The following TUSC3 variants were observed in gnomAD, a reference collection of about 807,000 sequenced individuals.
TUSC3 encodes the protein tumor suppressor candidate 3.
Under a neutral mutation model 44.8 loss-of-function variants are expected in TUSC3, and 45 were observed. The ratio of observed to expected loss-of-function variants is 1.00; its 90% CI spans 0.79 to 1.29. The LOEUF (loss-of-function observed/expected upper bound fraction) is 1.29. Ranked by LOEUF, TUSC3 falls within the 50% of genes most tolerant of loss-of-function variation. TUSC3 has a pLI of 0.00. For missense variants in TUSC3, 519 were observed against 437.9 expected (o/e 1.19, Z -1.65); for synonymous variants, 212 against 152.9 (o/e 1.39, Z -2.85).
At chr8:15,736,764 A>T (rs763506153) in intron 7 of TUSC3, among the ~76,000 whole-genome samples, 1 of 152,154 alleles carries the variant, frequency 6.6e-6, no homozygotes, top group Non-Finnish European at 1.5e-5. Flanking sequence ...GGGCAGAACT[A>T]TGTCATTTAA....
upstream of TUSC3, among the ~76,000 whole-genome samples, chr8:15,535,719 G>T (rs1801513335): frequency 6.6e-6 from 1 of 152,116 alleles, no homozygotes. Context: ...TGAAACAATA[G>T]CATGTCAGGA....
chr8:15,610,484 C>G (rs1166567489), intron 1 of TUSC3, among the ~76,000 whole-genome samples: 1 of 152,052 alleles, frequency 6.6e-6, no homozygotes, highest in Non-Finnish European at 1.5e-5. Flanking sequence ...GAAATACTAG[C>G]AAACTTGATT....
At chr8:15,546,018 T>C (rs979997374) in intron 1 of TUSC3, among the ~76,000 whole-genome samples, 1 of 151,848 alleles carries the variant, frequency 6.6e-6, no homozygotes, top group Non-Finnish European at 1.5e-5. Flanking sequence ...AAATTTACTT[T>C]TGGTTAAGTG....
chr8:15,608,842 A>C (rs1231874885), intron 1 of TUSC3, among the ~76,000 whole-genome samples: 1 of 152,136 alleles, frequency 6.6e-6, no homozygotes. Flanking sequence ...CCAGTCTTGG[A>C]TATTTCTTTA....
chr8:15,466,696 T>A (rs1392815875), intron 1 of TUSC3, among the ~76,000 whole-genome samples: 1 of 152,158 alleles, frequency 6.6e-6, no homozygotes. Flanking sequence ...AAAGGTTCTT[T>A]GAGATTTTCT....
chr8:15,800,384 G>A, the TUSC3 span, among the ~76,000 whole-genome samples: 5 of 151,926 alleles, frequency 3.3e-5, no homozygotes, highest in South Asian at 4.1e-4. Context: ...ACCAGCCTGC[G>A]CAACATAGTG....
chr8:15,491,587 C>T (rs1196552444), intron 2 of TUSC3, among the ~76,000 whole-genome samples: 14 of 152,162 alleles, frequency 9.2e-5, no homozygotes, highest in Non-Finnish European at 2.9e-5. Context: ...TTTTTGCTTA[C>T]ATACACTGTG....
chr8:15,557,629 C>G (rs1335759172), intron 1 of TUSC3, among the ~76,000 whole-genome samples: 1 of 108,430 alleles, frequency 9.2e-6, no homozygotes, highest in African/African-American at 3.0e-5. Context: ...ATTCTTCCTA[C>G]CCATGAGCAT....
At chr8:15,473,360 C>G (rs568476893) in intron 1 of TUSC3, among the ~76,000 whole-genome samples, 2 of 152,298 alleles carry the variant, frequency 1.3e-5, no homozygotes, top group South Asian at 2.1e-4. Context: ...ATCCCATACC[C>G]TGTCCTTGCT....
chr8:15,837,490 C>A, the TUSC3 span, among the ~76,000 whole-genome samples: 1 of 152,012 alleles, frequency 6.6e-6, no homozygotes, highest in Non-Finnish European at 1.5e-5. Context: ...TTATCAAATT[C>A]CATTTCACTT....
At chr8:15,589,584 A>G (rs533317055) in intron 1 of TUSC3, among the ~76,000 whole-genome samples, 3 of 152,206 alleles carry the variant, frequency 2.0e-5, no homozygotes, top group Non-Finnish European at 2.9e-5. Flanking sequence ...GCTTGCTGCC[A>G]CATTGGAATT....
intron 1 of TUSC3, among the ~76,000 whole-genome samples, chr8:15,606,051 A>T (rs1049284145): frequency 3.3e-5 from 5 of 152,076 alleles, no homozygotes; most frequent in Middle Eastern, 3.4e-3. Flanking sequence ...AATAGTGTAA[A>T]CCTTGAATAA....
chr8:15,419,269 A>G (rs567300287), intron 1 of TUSC3, among the ~76,000 whole-genome samples: 1 of 152,362 alleles, frequency 6.6e-6, no homozygotes, highest in South Asian at 2.1e-4. Flanking sequence ...CAAGTGTCAC[A>G]GTGTTTTAAT....
upstream of TUSC3, among the ~76,000 whole-genome samples, chr8:15,538,449 T>TA (rs2129131632): frequency 6.6e-6 from 1 of 152,032 alleles, no homozygotes; most frequent in African/African-American, 2.4e-5. Flanking sequence ...GATATATATT[T>TA]GTAAACTCCT....
At chr8:15,625,938 A>T (rs1805488020) in intron 2 of TUSC3, among the ~76,000 whole-genome samples, 1 of 152,224 alleles carries the variant, frequency 6.6e-6, no homozygotes, top group African/African-American at 2.4e-5. Flanking sequence ...CTATTGTCAG[A>T]ATTGGGCTAG....
At chr8:15,629,513 G>C (rs544846896) in intron 2 of TUSC3, among the ~76,000 whole-genome samples, 2 of 149,938 alleles carry the variant, frequency 1.3e-5, no homozygotes, top group Admixed American at 6.7e-5. Context: ...GGGAGTTGTA[G>C]ATGCACTGAG....
At chr8:15,709,726 C>G (rs1809764413) in intron 6 of TUSC3, among the ~76,000 whole-genome samples, 1 of 151,870 alleles carries the variant, frequency 6.6e-6, no homozygotes. Context: ...CCACTATTAT[C>G]TCCCAATTAG....
At chr8:15,517,571 C>T (rs1801236391) in intron 2 of TUSC3, among the ~76,000 whole-genome samples, 3 of 125,712 alleles carry the variant, frequency 2.4e-5, no homozygotes, top group African/African-American at 9.5e-5. Context: ...ACAACATTCA[C>T]ATTTACAGTT....
Position 15,627,686 on chromosome 8 carries a change from C to T in TUSC3, c.308+4437C>T, listed in dbSNP as rs147958289. Among the ~76,000 whole-genome samples the T allele has an allele frequency of 1.5e-3, 226 of 152,300 alleles. 6 individuals are homozygous for T. In the East Asian group the frequency reaches 0.037, roughly 25 times the overall value. On this transcript the variant is annotated intron_variant, in intron 2 of 10. Coordinates refer to ENST00000503731, the MANE Select transcript of TUSC3 (RefSeq NM_006765.4). Reference sequence around the variant, plus strand: ...TGCCACTGCATTCCCCAGTGCTGGCCGGGGAAGCTGCTTGCAGTCCACCTG... The same window carrying T: ...TGCCACTGCATTCCCCAGTGCTGGCTGGGGAAGCTGCTTGCAGTCCACCTG...
Sources: gnomAD v4.1 joint callset for allele counts (sites outside exome capture counted in the v4.1 genomes callset) on GRCh38, gnomAD v4.1.1 for gene constraint, MANE v1.5 for transcripts, NCBI Gene and HGNC (gene_info 2026-07-23, HGNC 2026-07-21) for gene names.